Variants in ATP12A observed in about 807,000 individuals in gnomAD.
ATP12A encodes ATPase H+/K+ transporting non-gastric alpha2 subunit.
A neutral mutation model predicts 111.2 loss-of-function variants in ATP12A; 81 were observed. The observed-to-expected ratio is 0.73, with a 90% CI of 0.61 to 0.88. The LOEUF is 0.88. Ranked by LOEUF, ATP12A falls within the 40% of genes least tolerant of loss-of-function variation. The probability of loss-of-function intolerance (pLI) is 0.00; values close to 1 mark genes in which losing one functional copy is unlikely to be tolerated. For synonymous variants in ATP12A, 498 were observed against 499.8 expected (o/e 1.00, Z 0.05); for missense variants, 1,196 against 1,313.1 (o/e 0.91, Z 1.38).
chr13:24,711,258 G>T (rs1332963243), intron 21 of ATP12A, 60 bp from the exon 22 acceptor site: 1 of 1,452,086 alleles, frequency 6.9e-7, no homozygotes, highest in African/African-American at 1.4e-5. Flanking sequence ...TTCCCATTGG[G>T]CAGGGTTGGG....
At chr13:24,688,190 G>T in intron 3 of ATP12A, 129 bp from the exon 4 acceptor site, 1 of 1,009,812 alleles carries the variant, frequency 9.9e-7, no homozygotes, top group Non-Finnish European at 1.4e-6. Flanking sequence ...TGCTTTTCTC[G>T]GGACCTTCTT....
rs1874422970 is a variant in ATP12A at position 24,681,349 on chromosome 13, C to T, written c.10-213C>T. 2.6e-5 allele frequency among the ~76,000 whole-genome samples: 4 copies of T among 152,248 alleles called. No homozygotes were observed. In the South Asian group the frequency reaches 8.3e-4, roughly 32 times the overall value. ...GCTGCTGGCTGGCCTGTGCCCACCC[C>T]GCCTCCCCTCTACACGGACGGAGAG... On this transcript the variant is annotated intron_variant, in intron 1 of 22. Coordinates refer to ENST00000381946, the MANE Select transcript of ATP12A (RefSeq NM_001676.7).
chr13:24,690,492 C>A lies in ATP12A; in HGVS notation c.681+20C>A. 1 of 1,613,162 alleles carries A rather than the reference C, an allele frequency of 6.2e-7. No homozygotes were observed. On this transcript the variant is annotated intron_variant, in intron 6 of 22. Coordinates refer to ENST00000381946, the MANE Select transcript of ATP12A (RefSeq NM_001676.7). ...TGTCGGGTAAGCGGCAAGGGGTATC[C>A]ACCCCAAGGACCATGTTCCAAACCT...
Position 24,698,818 on chromosome 13 carries a change from T to C in ATP12A, c.1673T>C (p.Met558Thr), listed in dbSNP as rs1875277757. Residue 558 changes from methionine to threonine, a missense_variant, in exon 12 of 23, where the codon ATG (methionine) becomes ACG (threonine). Physicochemically the swap from Met to Thr is moderately conservative, Grantham distance 81 (BLOSUM62 -1). Coordinates refer to ENST00000381946, the MANE Select transcript of ATP12A (RefSeq NM_001676.7). ...STAKTFHTAY[M>T]ELGGLGERVL... Reference sequence around the variant, plus strand: ...GCCAAGACCTTCCACACAGCCTACATGGAGCTGGGCGGGTTGGGCGAGCGT... The same window carrying C: ...GCCAAGACCTTCCACACAGCCTACACGGAGCTGGGCGGGTTGGGCGAGCGT... The C allele has an allele frequency of 1.9e-6, 3 of 1,614,008 alleles. No homozygotes were observed. The highest frequency in any genetic ancestry group is 2.5e-6 in the Non-Finnish European group (3 of 1,180,022).
intron 2 of ATP12A, among the ~76,000 whole-genome samples, chr13:24,682,036 GTA>G (rs1491372175): frequency 1.8e-3 from 34 of 18,600 alleles, no homozygotes; most frequent in Middle Eastern, 0.026. Flanking sequence ...TGTGGTGTGT[GTA>G]TGTGTGTGGT....
chr13:24,690,052 T>C (rs968368503), intron 5 of ATP12A, among the ~76,000 whole-genome samples: 1 of 152,190 alleles, frequency 6.6e-6, no homozygotes, highest in Non-Finnish European at 1.5e-5. Flanking sequence ...GCGACTCTTC[T>C]GTTCCAAGAA....
intron 1 of ATP12A, 39 bp downstream of exon 1, chr13:24,680,791 C>G (rs1430576403): frequency 2.0e-6 from 3 of 1,476,062 alleles, no homozygotes; most frequent in East Asian, 5.8e-5. Flanking sequence ...ATGCGAGACG[C>G]TGGGCCAAGG....
intron 14 of ATP12A, among the ~76,000 whole-genome samples, chr13:24,703,269 GTCTC>G (rs1307939460): frequency 1.3e-5 from 2 of 152,170 alleles, no homozygotes; most frequent in Non-Finnish European, 2.9e-5. Context: ...TTTAGACAGA[GTCTC>G]TCTCTGTCAC....
intron 4 of ATP12A, 51 bp from the exon 5 acceptor site, chr13:24,689,211 G>T: frequency 6.7e-7 from 1 of 1,487,120 alleles, no homozygotes; most frequent in Non-Finnish European, 9.4e-7. Flanking sequence ...CCCAGGGCCC[G>T]GCTGCTTCCC....
rs779148716 is a variant in ATP12A, at chr13:24,701,890, C to G, written c.1882-45C>G. ...CTGAACCATCCCCACTTTGGCCAAC[C>G]GAGTTCTTCATTACCCGTGGGCCTT... On this transcript the variant is annotated intron_variant, in intron 13 of 22. Transcript: ENST00000381946. 3.1e-6 allele frequency: 5 copies of G among 1,612,904 alleles called. No homozygotes were observed. The East Asian group carries it at 1.1e-4, about 36-fold the overall frequency.
chr13:24,700,683 T>C (rs891775216), intron 12 of ATP12A, 64 bp from the exon 13 acceptor site: 2 of 1,500,818 alleles, frequency 1.3e-6, no homozygotes, highest in African/African-American at 2.8e-5. Flanking sequence ...GAGCATGTTC[T>C]CCTCTTATTT....
rs1033503641 is a variant in ATP12A, at chr13:24,680,657, C to A, written c.-87C>A. 2.8e-6 allele frequency: 4 copies of A among 1,452,744 alleles called. No individual in the cohort carries two copies. Among genetic ancestry groups the A allele is most frequent in the Middle Eastern group, 2.4e-4 (1 of 4,178 alleles). 90.0% of individuals were successfully genotyped at this position (1,452,744 alleles called of 1,614,324 possible). A position where few individuals can be genotyped will look rare whatever the true frequency, so the allele number is the denominator to read the frequency against. On this transcript the variant is annotated 5_prime_UTR_variant, in exon 1 of 23. Coordinates refer to ENST00000381946, the MANE Select transcript of ATP12A (RefSeq NM_001676.7). ...ACCTCAGCCACTGCCACTGCCACAG[C>A]CACACGAGGCCCCCCACCGTGCGCT...
In ATP12A at chr13:24,695,600, C is replaced by CTTTTTT. The variant is rs34227271; in HGVS notation, c.1512+1041_1512+1046dup. On this transcript the variant is annotated intron_variant, in intron 11 of 22. Coordinates refer to ENST00000381946, the MANE Select transcript of ATP12A (RefSeq NM_001676.7). The stretch of plus-strand genomic sequence containing the variant: ...TGGAATTTAGGGTTAGGGAAGAACT[C>CTTTTTT]TTTTTTTTTTTTTTTTTTTTTTTTG... 4.0e-4 allele frequency among the ~76,000 whole-genome samples: 35 copies of CTTTTTT among 88,412 alleles called. 1 individual carries two copies. Among genetic ancestry groups the CTTTTTT allele is most frequent in the African/African-American group, 4.8e-4 (10 of 20,854 alleles). The allele number at this position is 88,412 out of a possible 152,430, so 58.0% of individuals were successfully genotyped here.
rs200249194 is a variant in ATP12A at position 24,709,861 on chromosome 13, C to T, written c.2763+33C>T. 1.7e-4 allele frequency: 275 copies of T among 1,611,016 alleles called. 1 individual carries two copies. In the African/African-American group the frequency reaches 3.3e-3, roughly 19 times the overall value. On this transcript the variant is annotated intron_variant, in intron 19 of 22. Coordinates refer to ENST00000381946, the MANE Select transcript of ATP12A (RefSeq NM_001676.7). ...GCGGGAGCCCTGCTGCAGAGTCCAC[C>T]TGATTCTCTCCATGCTCATTGCCCT...
At chr13:24,689,663 AG>A (rs538060720) in intron 5 of ATP12A, among the ~76,000 whole-genome samples, 1 of 152,312 alleles carries the variant, frequency 6.6e-6, no homozygotes, top group South Asian at 2.1e-4. Flanking sequence ...GTGGAAGGTC[AG>A]GGAGTGTTCT....
rs758327502 is a variant in ATP12A at position 24,711,406 on chromosome 13, G to A, written c.3088G>A (p.Gly1030Arg). The A allele has an allele frequency of 6.2e-7, 1 of 1,613,682 alleles. No homozygotes were observed. Among genetic ancestry groups the A allele is most frequent in the East Asian group, 2.2e-5 (1 of 44,878 alleles). Residue 1030 changes from glycine (G) to arginine (R), a missense_variant, in exon 22 of 23, where the codon GGA becomes AGA. Gly to Arg is a moderately radical substitution (Grantham distance 125). Coordinates refer to ENST00000381946, the MANE Select transcript of ATP12A (RefSeq NM_001676.7). ...VRKLFIRLYP[G>R]SWWDKNMYY Reference sequence around the variant, plus strand: ...GAAGCTCTTCATCAGGCTCTACCCTGGAAGTGAGTAGCCTATGATTTTAGA... The same window carrying A: ...GAAGCTCTTCATCAGGCTCTACCCTAGAAGTGAGTAGCCTATGATTTTAGA...
At position 24,698,716 on chromosome 13, in the gene ATP12A, G is replaced by C; in HGVS notation, c.1571G>C (p.Gly524Ala). The change falls in exon 12 of 23, where the codon GGG becomes GCG. Residue 524 changes from glycine (G) to alanine (A), a missense_variant. Gly to Ala is a moderately conservative substitution (Grantham distance 60). Coordinates refer to ENST00000381946, the MANE Select transcript of ATP12A (RefSeq NM_001676.7). ...AAGCGCTTCCTCATGGTGATGAAGG[G>C]GGCCCCTGAGCGCATCCTAGAGAAA... ...HGKRFLMVMK[G>A]APERILEKCS... The C allele has an allele frequency of 6.2e-7, 1 of 1,613,994 alleles. No individual in the cohort carries two copies. The highest frequency in any genetic ancestry group is 8.5e-7 in the Non-Finnish European group (1 of 1,180,018).
chr13:24,697,326 G>A (rs1049000676), intron 11 of ATP12A, among the ~76,000 whole-genome samples: 3 of 152,142 alleles, frequency 2.0e-5, no homozygotes, highest in African/African-American at 7.2e-5. Flanking sequence ...TTATCCCTAT[G>A]TTTTAAATGT....
intron 2 of ATP12A, among the ~76,000 whole-genome samples, chr13:24,682,292 GGTGT>G (rs1351863947): frequency 8.8e-5 from 13 of 147,026 alleles, no homozygotes; most frequent in African/African-American, 3.3e-4. Context: ...GTGTATGTGT[GGTGT>G]GTGTATGTGC....
Sources: allele counts gnomAD v4.1 joint callset (sites outside exome capture counted in the v4.1 genomes callset), GRCh38; gene constraint gnomAD v4.1.1; transcripts MANE v1.5; gene names NCBI Gene and HGNC (gene_info 2026-07-23, HGNC 2026-07-21).